RBPJ: variants seen among roughly 807,000 people sequenced by gnomAD.
The protein encoded by RBPJ is recombination signal binding protein for immunoglobulin kappa J region, also known as recombining binding protein suppressor of hairless.
RBPJ carries 9 observed loss-of-function variants against 67.8 expected under a neutral mutation model. That is an observed-to-expected ratio of 0.13 (90% confidence interval 0.08 to 0.23). The LOEUF (loss-of-function observed/expected upper bound fraction) is 0.23, where lower values mean the gene tolerates loss of function less well. RBPJ is among the 10% of genes least tolerant of loss of function. The probability of loss-of-function intolerance (pLI) is 1.00; values close to 1 mark genes in which losing one functional copy is unlikely to be tolerated. For missense variants in RBPJ, 305 were observed against 595.6 expected (o/e 0.51, Z 5.08); for synonymous variants, 198 against 203.3 (o/e 0.97, Z 0.22).
At chr4:26,171,158 G>A (rs1477582041) in intron 1 of RBPJ, among the ~76,000 whole-genome samples, 4 of 152,162 alleles carry the variant, frequency 2.6e-5, no homozygotes, top group Admixed American at 1.3e-4. Flanking sequence ...GTCATCACTT[G>A]TAAAAATGAG....
intron 1 of RBPJ, among the ~76,000 whole-genome samples, chr4:26,232,744 G>T (rs899483794): frequency 6.6e-6 from 1 of 152,148 alleles, no homozygotes; most frequent in African/African-American, 2.4e-5. Context: ...CAAGTATGTG[G>T]TCCCTGCAGC....
chr4:26,128,642 A>T, the RBPJ span, among the ~76,000 whole-genome samples: 2 of 152,298 alleles, frequency 1.3e-5, no homozygotes, highest in Admixed American at 6.5e-5. Flanking sequence ...CACTATTCCA[A>T]ATTAGCCTAT....
At chr4:26,138,418 A>G in the RBPJ span, among the ~76,000 whole-genome samples, 1 of 151,380 alleles carries the variant, frequency 6.6e-6, no homozygotes, top group Non-Finnish European at 1.5e-5. Context: ...AGAGGATGCG[A>G]AAACCAAGCC....
chr4:26,243,664 A>G lies in RBPJ; in HGVS notation c.-167+80050A>G, dbSNP rs545273752. On this transcript the variant is annotated intron_variant, in intron 1 of 4. Transcript: ENST00000512351. ...CAAGGTGGGCTAATAATTTAAATTT[A>G]GCAGAATATGGAATTTCATCATTAT... Among the ~76,000 whole-genome samples the G allele has an allele frequency of 9.2e-5, 14 of 152,368 alleles. No homozygotes were observed. The South Asian group carries it at 2.1e-3, about 23-fold the overall frequency.
Position 26,407,883 on chromosome 4 carries a change from C to CTTT in RBPJ, c.155+1640_155+1642dup, listed in dbSNP as rs61575988. On this transcript the variant is annotated intron_variant, in intron 3 of 10. Coordinates refer to ENST00000355476, the MANE Select transcript of RBPJ (RefSeq NM_015874.6). ...TGAAAAGAGGGGTAAAGCTTTCTTTCTTTTTTTTTTTTTTTTTTTTTTTTT... is the reference window on the plus strand; with the variant it reads ...TGAAAAGAGGGGTAAAGCTTTCTTTCTTTTTTTTTTTTTTTTTTTTTTTTTTTT... Among the ~76,000 whole-genome samples the CTTT allele has an allele frequency of 4.4e-3, 278 of 63,588 alleles. 8 individuals are homozygous for CTTT. The highest frequency in any genetic ancestry group is 8.3e-3 in the African/African-American group (126 of 15,122). The allele number at this position is 63,588 out of a possible 152,430, so 41.7% of individuals were successfully genotyped here.
At chr4:26,272,376 G>T (rs1391405015) in intron 1 of RBPJ, among the ~76,000 whole-genome samples, 1 of 152,074 alleles carries the variant, frequency 6.6e-6, no homozygotes, top group East Asian at 1.9e-4. Flanking sequence ...GACCAGCCTG[G>T]GCAATGTAGT....
intron 2 of RBPJ, among the ~76,000 whole-genome samples, chr4:26,390,103 G>A (rs1019085699): frequency 6.6e-6 from 1 of 152,118 alleles, no homozygotes; most frequent in African/African-American, 2.4e-5. Flanking sequence ...GACCTAGTGA[G>A]CTTTATCTCA....
intron 1 of RBPJ, among the ~76,000 whole-genome samples, chr4:26,236,154 T>C (rs1352261902): frequency 2.0e-5 from 3 of 152,148 alleles, no homozygotes; most frequent in African/African-American, 7.2e-5. Context: ...ATTTTGGGGA[T>C]TGAGGAAAGA....
At chr4:26,221,130 G>C (rs565547452) in intron 1 of RBPJ, among the ~76,000 whole-genome samples, 1 of 152,150 alleles carries the variant, frequency 6.6e-6, no homozygotes, top group Admixed American at 6.5e-5. Flanking sequence ...TCGTTCCGTC[G>C]CCCAGGCTGG....
At position 26,247,513 on chromosome 4, in the gene RBPJ, T is replaced by A. The variant is rs1006331796; in HGVS notation, c.-167+83899T>A. ...ACAACCTCCGCTTCCTGGGTTCAAG[T>A]GATTCTCCTGCCTCGGCCTCCCGAG... On this transcript the variant is annotated intron_variant, in intron 1 of 4. Transcript: ENST00000512351. Among the ~76,000 whole-genome samples, 4 of 152,232 alleles carry A rather than the reference T, an allele frequency of 2.6e-5. No individual in the cohort carries two copies. The South Asian group carries it at 8.3e-4, about 32-fold the overall frequency.
chr4:26,389,582 C>T lies in RBPJ; in HGVS notation c.59+3191C>T, dbSNP rs79134274. ...AGGATGATCATACTAGATAGAAATC[C>T]GATTCTGTACAAATTACCAATATCA... is the stretch of plus-strand genomic sequence containing the variant. On this transcript the variant is annotated intron_variant, in intron 2 of 10. Coordinates refer to ENST00000355476, the MANE Select transcript of RBPJ (RefSeq NM_015874.6). 7.7e-3 allele frequency among the ~76,000 whole-genome samples: 1,138 copies of T among 148,044 alleles called. 14 individuals are homozygous for T. The highest frequency in any genetic ancestry group is 0.027 in the African/African-American group (1,069 of 39,946).
chr4:26,407,883 C>CTTTCTTTTTTT (rs1733601458), intron 3 of RBPJ, among the ~76,000 whole-genome samples: 1 of 63,622 alleles, frequency 1.6e-5, no homozygotes, highest in African/African-American at 6.6e-5. Context: ...AGCTTTCTTT[C>CTTTCTTTTTTT]TTTTTTTTTT....
intron 4 of RBPJ, among the ~76,000 whole-genome samples, chr4:26,419,086 G>A (rs1428745769): frequency 2.0e-5 from 3 of 152,036 alleles, no homozygotes; most frequent in South Asian, 2.1e-4. Context: ...TCAAGCGACC[G>A]TCCCACCTCA....
intron 4 of RBPJ, among the ~76,000 whole-genome samples, chr4:26,418,865 T>A (rs1734845183): frequency 6.6e-6 from 1 of 152,238 alleles, no homozygotes; most frequent in South Asian, 2.1e-4. Flanking sequence ...CTGTCACTTT[T>A]AAGAGTATGG....
At chr4:26,120,077 A>G in the RBPJ span, among the ~76,000 whole-genome samples, 1 of 152,234 alleles carries the variant, frequency 6.6e-6, no homozygotes, top group Non-Finnish European at 1.5e-5. Context: ...ATGAGACACC[A>G]GTAAATGGAC....
chr4:26,387,763 G>A (rs1187765336), intron 2 of RBPJ, among the ~76,000 whole-genome samples: 1 of 152,166 alleles, frequency 6.6e-6, no homozygotes, highest in Non-Finnish European at 1.5e-5. Context: ...CAAAAAATCA[G>A]AGGAAACAAT....
the RBPJ span, among the ~76,000 whole-genome samples, chr4:26,109,460 C>CTATATA: frequency 0.033 from 479 of 14,498 alleles, 15 homozygotes; most frequent in Non-Finnish European, 0.041. Context: ...CTCTCTCTCT[C>CTATATA]TATATATATA....
rs563502975 is a variant in RBPJ, at chr4:26,380,696, A to C, written c.21-5657A>C. ...AATCCCAGTACTTTTGAGCTGCCTAAAATTTATATACTGTTTACAGCAGAT... is the reference window on the plus strand; with the variant it reads ...AATCCCAGTACTTTTGAGCTGCCTACAATTTATATACTGTTTACAGCAGAT... On this transcript the variant is annotated intron_variant, in intron 1 of 10. Transcript: ENST00000355476. Among the ~76,000 whole-genome samples the C allele has an allele frequency of 3.9e-5, 6 of 152,074 alleles. No individual in the cohort carries two copies. The East Asian group carries it at 1.2e-3, about 29-fold the overall frequency.
intron 1 of RBPJ, among the ~76,000 whole-genome samples, chr4:26,267,586 A>G (rs1352169290): frequency 1.3e-5 from 2 of 151,964 alleles, no homozygotes; most frequent in Non-Finnish European, 2.9e-5. Context: ...ACACATATAT[A>G]CATATATATG....
Sources: allele counts gnomAD v4.1 joint callset (sites outside exome capture counted in the v4.1 genomes callset), GRCh38; gene constraint gnomAD v4.1.1; transcripts MANE v1.5; gene names NCBI Gene and HGNC (gene_info 2026-07-23, HGNC 2026-07-21).